The following GAB3 variants were observed in gnomAD, a reference collection of about 807,000 sequenced individuals.
GAB3 encodes GRB2-associated-binding protein 3.
GAB3 carries 12 observed loss-of-function variants against 40.4 expected under a neutral mutation model. That is an observed-to-expected ratio of 0.30 (90% confidence interval 0.19 to 0.48). GAB3 has a LOEUF of 0.48. Among genes scored for constraint, GAB3 ranks in the 20% least tolerant of loss-of-function variants. GAB3 has a pLI of 0.99. For missense variants in GAB3, 381 were observed against 461.9 expected, an observed-to-expected ratio of 0.82 and a Z score of 1.61; for synonymous variants, 154 against 176.7, an observed-to-expected ratio of 0.87 and a Z score of 1.02.
chrX:154,687,357 C>T (rs1557248070), intron 8 of GAB3, among the ~76,000 whole-genome samples: 3 of 110,257 alleles, frequency 2.7e-5, no homozygotes, highest in African/African-American at 3.3e-5. Context: ...TTAGGCCAGG[C>T]GTGGTGGCTC....
At chrX:154,734,980 AAG>A (rs1235472088) in intron 1 of GAB3, among the ~76,000 whole-genome samples, 1 of 107,290 alleles carries the variant, frequency 9.3e-6, no homozygotes, top group Non-Finnish European at 1.9e-5. Flanking sequence ...AAAGCACAAA[AAG>A]AGCTTCTATG....
chrX:154,728,124 G>C (rs917018605), intron 1 of GAB3, among the ~76,000 whole-genome samples: 35 of 111,492 alleles, frequency 3.1e-4, no homozygotes, highest in African/African-American at 1.1e-3. Flanking sequence ...CCCCCTCTGC[G>C]GTGGTGAAAT....
upstream of GAB3, chrX:154,751,458 C>G (rs952962185): frequency 3.6e-5 from 26 of 722,710 alleles, no homozygotes; most frequent in African/African-American, 3.8e-4. Flanking sequence ...GTCCCTGGGT[C>G]TCAGGGACCC....
intron 4 of GAB3, among the ~76,000 whole-genome samples, chrX:154,702,517 C>G (rs1388809021): frequency 1.8e-5 from 2 of 112,024 alleles, no homozygotes; most frequent in Non-Finnish European, 3.8e-5. Flanking sequence ...AAAAATTCTT[C>G]AGCAGTACAC....
chrX:154,700,618 A>G (rs1273917944), intron 4 of GAB3, among the ~76,000 whole-genome samples: 1 of 112,149 alleles, frequency 8.9e-6, no homozygotes, highest in African/African-American at 3.2e-5. Context: ...GTTGAGAAAA[A>G]TACAAAACTC....
chrX:154,700,143 C>A (rs2070719348), intron 4 of GAB3, 84 bp from the exon 5 acceptor site: 13 of 755,905 alleles, frequency 1.7e-5, no homozygotes, highest in Non-Finnish European at 2.6e-5. Flanking sequence ...AAGCATAACA[C>A]AACAGTTGCT....
chrX:154,690,071 A>C (rs1249210566), intron 8 of GAB3, among the ~76,000 whole-genome samples: 2 of 110,017 alleles, frequency 1.8e-5, no homozygotes, highest in African/African-American at 3.3e-5. Context: ...AAACAGAGAT[A>C]TAGATCAATG....
chrX:154,705,525 A>G (rs1315157661), intron 4 of GAB3, among the ~76,000 whole-genome samples: 2 of 111,510 alleles, frequency 1.8e-5, no homozygotes, highest in Non-Finnish European at 3.8e-5. Context: ...AGCATTTGAT[A>G]AAATTCAACA....
chrX:154,697,296 A>C, intron 6 of GAB3, 83 bp from the exon 7 acceptor site: 4 of 632,046 alleles, frequency 6.3e-6, no homozygotes, highest in Non-Finnish European at 9.5e-6. Flanking sequence ...TTCCCAGCAC[A>C]CCAAATCCAC....
chrX:154,706,669 T>C (rs1317469984), intron 4 of GAB3, among the ~76,000 whole-genome samples: 2 of 110,560 alleles, frequency 1.8e-5, no homozygotes, highest in Non-Finnish European at 3.8e-5. Context: ...TCCCAGTACG[T>C]TGGGAAGCTG....
intron 4 of GAB3, among the ~76,000 whole-genome samples, chrX:154,701,326 C>T (rs1228064997): frequency 1.8e-5 from 2 of 112,443 alleles, no homozygotes. Flanking sequence ...ACTCCCTTTC[C>T]ACTACCAGAC....
intron 1 of GAB3, among the ~76,000 whole-genome samples, chrX:154,725,529 C>T (rs1366150522): frequency 9.0e-6 from 1 of 111,045 alleles, no homozygotes; most frequent in Non-Finnish European, 1.9e-5. Flanking sequence ...ATGGCTATCT[C>T]ACAGAGTTGA....
At chrX:154,687,698 CTAAT>C (rs782172852) in intron 8 of GAB3, among the ~76,000 whole-genome samples, 187 of 106,990 alleles carry the variant, frequency 1.7e-3, no homozygotes, top group African/African-American at 5.9e-3. Context: ...ACATCTGACT[CTAAT>C]TATACATGGA....
At chrX:154,721,033 T>C (rs1313236750) in intron 1 of GAB3, among the ~76,000 whole-genome samples, 1 of 111,270 alleles carries the variant, frequency 9.0e-6, no homozygotes, top group Non-Finnish European at 1.9e-5. Flanking sequence ...GGATAGGTTA[T>C]AAGAAAAAGA....
At chrX:154,691,644 T>C (rs782374935) in intron 8 of GAB3, among the ~76,000 whole-genome samples, 8 of 111,751 alleles carry the variant, frequency 7.2e-5, no homozygotes, top group South Asian at 7.4e-4. Flanking sequence ...AGAATTCCAA[T>C]GGTCTTTTTT....
intron 1 of GAB3, among the ~76,000 whole-genome samples, chrX:154,738,291 C>G (rs1569558121): frequency 8.9e-6 from 1 of 112,298 alleles, no homozygotes; most frequent in African/African-American, 3.2e-5. Context: ...AGTTCTGGTA[C>G]CAGTTCAGAG....
At position 154,712,177 on chromosome X, in the gene GAB3, G is replaced by A. The variant is rs2070959161; in HGVS notation, c.1069+52C>T. 1.8e-5 allele frequency: 17 copies of A among 949,792 alleles called. No individual in the cohort carries two copies. In the South Asian group the frequency reaches 2.1e-4, roughly 12 times the overall value. The allele number at this position is 949,792 out of a possible 1,213,427, so 78.3% of individuals were successfully genotyped here. The stretch of plus-strand genomic sequence containing the variant: ...ATGACCTCACATGGGCACAAAGAGT[G>A]AAGAGGAGCCCGGGTTTTCTTGGCG... On this transcript the variant is annotated intron_variant, in intron 4 of 9. Coordinates refer to ENST00000424127, the MANE Select transcript of GAB3 (RefSeq NM_001081573.3).
chrX:154,699,922 T>C, intron 5 of GAB3, 82 bp downstream of exon 5: 1 of 816,462 alleles, frequency 1.2e-6, no homozygotes, highest in Admixed American at 2.4e-5. Context: ...GTGCTGAATC[T>C]TAAAGATTTC....
intron 1 of GAB3, among the ~76,000 whole-genome samples, chrX:154,717,755 C>CT (rs2071068184): frequency 9.0e-6 from 1 of 111,692 alleles, no homozygotes; most frequent in Non-Finnish European, 1.9e-5. Context: ...GACCAAAGCC[C>CT]TAGGGAGTCC....
Sources: gnomAD v4.1 joint callset for allele counts (sites outside exome capture counted in the v4.1 genomes callset) on GRCh38, gnomAD v4.1.1 for gene constraint, MANE v1.5 for transcripts, NCBI Gene and HGNC (gene_info 2026-07-23, HGNC 2026-07-21) for gene names.